Variants in ROBO2 observed in about 807,000 individuals in gnomAD.
ROBO2 encodes roundabout guidance receptor 2.
A neutral mutation model predicts 160.8 loss-of-function variants in ROBO2; 53 were observed. The ratio of observed to expected loss-of-function variants is 0.33; its 90% CI spans 0.26 to 0.41. The LOEUF (loss-of-function observed/expected upper bound fraction) is 0.41. ROBO2 is among the 10% of genes least tolerant of loss of function. The pLI, the probability that ROBO2 is intolerant of heterozygous loss-of-function variation, is 1.00. For missense variants in ROBO2, 1,577 were observed against 1,722.4 expected (o/e 0.92, Z 1.49); for synonymous variants, 664 against 611.7 (o/e 1.09, Z -1.26).
chr3:76,563,441 T>C (rs935648777), intron 2 of ROBO2, among the ~76,000 whole-genome samples: 3 of 152,214 alleles, frequency 2.0e-5, no homozygotes, highest in Non-Finnish European at 4.4e-5. Flanking sequence ...TCTTAATTTG[T>C]TCATAAGGAC....
At chr3:77,369,104 A>G (rs2071376719) in intron 2 of ROBO2, among the ~76,000 whole-genome samples, 1 of 152,158 alleles carries the variant, frequency 6.6e-6, no homozygotes, top group Non-Finnish European at 1.5e-5. Flanking sequence ...AGTTAGAGCA[A>G]TGTTGTCTAA....
At chr3:77,473,106 G>A (rs530153599) in intron 2 of ROBO2, among the ~76,000 whole-genome samples, 1 of 152,156 alleles carries the variant, frequency 6.6e-6, no homozygotes, top group East Asian at 1.9e-4. Flanking sequence ...TTTTATAGAT[G>A]AGCTTGAGGA....
Position 77,468,649 on chromosome 3 carries a change from G to A in ROBO2, c.389-8765G>A, listed in dbSNP as rs567923076. ...TCGAAGCTGGCCATTCCTCCTGTGT[G>A]AATTATGTTTGTGTTTGTGTGTTTT... On this transcript the variant is annotated intron_variant, in intron 2 of 25. Coordinates refer to ENST00000461745, the Ensembl canonical transcript of ROBO2. Among the ~76,000 whole-genome samples the A allele has an allele frequency of 2.0e-5, 3 of 152,300 alleles. No individual in the cohort carries two copies. The South Asian group carries it at 6.2e-4, about 32-fold the overall frequency.
In ROBO2 at chr3:76,194,353, A is replaced by AAT. The variant is rs772196827; in HGVS notation, c.109+256783_109+256784dup. 1.6e-3 allele frequency among the ~76,000 whole-genome samples: 153 copies of AAT among 94,508 alleles called. 2 individuals are homozygous for AAT. Among genetic ancestry groups the AAT allele is most frequent in the African/African-American group, 5.7e-3 (141 of 24,616 alleles). The allele number at this position is 94,508 out of a possible 152,430, so 62.0% of individuals were successfully genotyped here. ...TCTATATAAATATGTATGGTGTGTA[A>AAT]ATATATATATATATATATATATATA... On this transcript the variant is annotated intron_variant, in intron 2 of 26. Coordinates refer to the ROBO2 transcript ENST00000487694.
At chr3:77,539,719 C>A (rs779845196) in intron 6 of ROBO2, among the ~76,000 whole-genome samples, 4 of 152,078 alleles carry the variant, frequency 2.6e-5, no homozygotes, top group Admixed American at 1.3e-4. Context: ...AAATTGTAGA[C>A]AGCACCCCAT....
chr3:76,249,154 A>C (rs1705823421), intron 2 of ROBO2, among the ~76,000 whole-genome samples: 2 of 152,084 alleles, frequency 1.3e-5, no homozygotes, highest in African/African-American at 4.8e-5. Flanking sequence ...GAACTTCGTG[A>C]AATATTAAGA....
chr3:76,376,724 T>A (rs1396097269), intron 2 of ROBO2, among the ~76,000 whole-genome samples: 1 of 152,016 alleles, frequency 6.6e-6, no homozygotes, highest in East Asian at 1.9e-4. Context: ...TGGGGAAAGT[T>A]TTAAGGGGCC....
intron 2 of ROBO2, among the ~76,000 whole-genome samples, chr3:76,797,239 A>G (rs934428583): frequency 1.3e-5 from 2 of 152,164 alleles, no homozygotes; most frequent in African/African-American, 4.8e-5. Flanking sequence ...ATGATATCAT[A>G]TCAAGATTCT....
chr3:76,479,009 T>C (rs2079078602), intron 2 of ROBO2, among the ~76,000 whole-genome samples: 1 of 152,110 alleles, frequency 6.6e-6, no homozygotes, highest in Non-Finnish European at 1.5e-5. Flanking sequence ...AACAGAGATA[T>C]AGTAACTTCA....
At chr3:76,350,321 A>G (rs1327897301) in intron 2 of ROBO2, among the ~76,000 whole-genome samples, 2 of 152,060 alleles carry the variant, frequency 1.3e-5, no homozygotes. Context: ...TCCATAACTG[A>G]TATGTCTCCA....
At chr3:77,533,570 A>T (rs6782317) in intron 6 of ROBO2, among the ~76,000 whole-genome samples, 12,964 of 152,172 alleles carry the variant, frequency 0.085, 1,081 homozygotes, top group African/African-American at 0.21. Context: ...GCTGTTGGAC[A>T]GGGTGACTCA....
intron 2 of ROBO2, among the ~76,000 whole-genome samples, chr3:76,691,306 T>C (rs1300856518): frequency 6.6e-6 from 1 of 152,090 alleles, no homozygotes; most frequent in Non-Finnish European, 1.5e-5. Context: ...TCCAACAATG[T>C]TGGACTTGCC....
chr3:76,759,486 A>T (rs1000020709), intron 2 of ROBO2, among the ~76,000 whole-genome samples: 7 of 151,796 alleles, frequency 4.6e-5, no homozygotes, highest in African/African-American at 1.2e-4. Context: ...AGACTTAAAC[A>T]TATATTAATA....
rs76698293 is a variant in ROBO2, at chr3:76,097,029, T to G, written c.109+159427T>G. Among the ~76,000 whole-genome samples the G allele has an allele frequency of 4.6e-5, 7 of 152,286 alleles. No homozygotes were observed. In the East Asian group the frequency reaches 1.3e-3, roughly 29 times the overall value. On this transcript the variant is annotated intron_variant, in intron 2 of 26. Transcript: ENST00000487694. Reference sequence around the variant, plus strand: ...GGAAACCTGGTAAACATAGATTGTCTGCTACATTACTCAGCAACATTATCT... The same window carrying G: ...GGAAACCTGGTAAACATAGATTGTCGGCTACATTACTCAGCAACATTATCT...
At chr3:76,036,756 G>A (rs1204853203) in intron 2 of ROBO2, among the ~76,000 whole-genome samples, 4 of 151,716 alleles carry the variant, frequency 2.6e-5, no homozygotes, top group East Asian at 3.9e-4. Flanking sequence ...TGCCCACCTC[G>A]GCCTCCCAAA....
At chr3:77,237,183 C>CTTTTTTTTTTTTTTTTTTTTCTTTTTT (rs34992972) in intron 2 of ROBO2, among the ~76,000 whole-genome samples, 1 of 107,114 alleles carries the variant, frequency 9.3e-6, no homozygotes, top group Non-Finnish European at 1.8e-5. Context: ...CTTGACCTTT[C>CTTTTTTTTTTTTTTTTTTTTCTTTTTT]TTTTTTTTTT....
At chr3:76,703,548 G>A (rs2093091858) in intron 2 of ROBO2, among the ~76,000 whole-genome samples, 1 of 151,610 alleles carries the variant, frequency 6.6e-6, no homozygotes, top group Admixed American at 6.6e-5. Flanking sequence ...AGTGTGTGAT[G>A]TTCCCCTCCC....
intron 2 of ROBO2, among the ~76,000 whole-genome samples, chr3:76,352,010 T>C (rs971620262): frequency 6.6e-6 from 1 of 152,054 alleles, no homozygotes; most frequent in African/African-American, 2.4e-5. Flanking sequence ...TAATCAGATA[T>C]AAGTTAGTTC....
intron 2 of ROBO2, among the ~76,000 whole-genome samples, chr3:77,134,673 C>G (rs2076133530): frequency 6.6e-6 from 1 of 152,184 alleles, no homozygotes; most frequent in Non-Finnish European, 1.5e-5. Flanking sequence ...ACCTATGTCT[C>G]AGTCTATTCT....
Sources: gnomAD v4.1 joint callset for allele counts (sites outside exome capture counted in the v4.1 genomes callset) on GRCh38, gnomAD v4.1.1 for gene constraint, MANE v1.5 for transcripts, NCBI Gene and HGNC (gene_info 2026-07-23, HGNC 2026-07-21) for gene names.